The following SLC35G2 variants were observed in gnomAD, a reference collection of about 807,000 sequenced individuals.
The protein encoded by SLC35G2 is transmembrane protein 22.
In SLC35G2, 20 loss-of-function variants were observed where a neutral mutation model predicts 27.2. The observed-to-expected ratio is 0.74, with a 90% CI of 0.52 to 1.07. The LOEUF is 1.07. Ranked by LOEUF, SLC35G2 falls within the 50% of genes least tolerant of loss-of-function variation. The probability of loss-of-function intolerance (pLI) is 0.00; values close to 1 mark genes in which losing one functional copy is unlikely to be tolerated. For synonymous variants in SLC35G2, 148 were observed against 165.3 expected (o/e 0.90, Z 0.80); for missense variants, 416 against 493.3 (o/e 0.84, Z 1.48).
intron 1 of SLC35G2, among the ~76,000 whole-genome samples, chr3:136,850,503 A>G (rs1228039296): frequency 6.6e-6 from 1 of 152,182 alleles, no homozygotes; most frequent in African/African-American, 2.4e-5. Context: ...AATGAGCCAA[A>G]TAATATTTTA....
chr3:136,828,537 ATATTAG>A (rs1241399241), intron 1 of SLC35G2, among the ~76,000 whole-genome samples: 2 of 152,056 alleles, frequency 1.3e-5, no homozygotes, highest in African/African-American at 4.8e-5. Flanking sequence ...ATTTTGTCTG[ATATTAG>A]TATAACTACT....
At chr3:136,830,257 C>T (rs746341230) in intron 1 of SLC35G2, among the ~76,000 whole-genome samples, 5 of 151,492 alleles carry the variant, frequency 3.3e-5, no homozygotes, top group Non-Finnish European at 4.4e-5. Flanking sequence ...TACAGGCACA[C>T]ACCACCATGC....
intron 1 of SLC35G2, among the ~76,000 whole-genome samples, chr3:136,827,747 A>G (rs1037882318): frequency 4.0e-5 from 6 of 151,698 alleles, no homozygotes; most frequent in Admixed American, 3.3e-4. Flanking sequence ...CTTAATTTCC[A>G]TGTGTTTGTA....
intron 1 of SLC35G2, among the ~76,000 whole-genome samples, chr3:136,836,164 A>T (rs1049179577): frequency 6.6e-6 from 1 of 151,970 alleles, no homozygotes; most frequent in South Asian, 2.1e-4. Flanking sequence ...ATCTATTTAT[A>T]TATCTTTCTG....
At chr3:136,839,954 C>A (rs1459025049) in intron 1 of SLC35G2, among the ~76,000 whole-genome samples, 1 of 152,184 alleles carries the variant, frequency 6.6e-6, no homozygotes, top group South Asian at 2.1e-4. Context: ...CAGACTGACA[C>A]AGCCCAGCAA....
At position 136,854,770 on chromosome 3, in the gene SLC35G2, ATGTGGATAGTGCTGTT is replaced by A; in HGVS notation, c.313_328del (p.Trp105AspfsTer9). 6.2e-7 allele frequency: 1 copy of A among 1,614,138 alleles called. No homozygotes were observed. The highest frequency in any genetic ancestry group is 8.5e-7 in the Non-Finnish European group (1 of 1,180,008). On this transcript the variant is annotated frameshift_variant, in exon 2 of 2. Coordinates refer to ENST00000446465, the MANE Select transcript of SLC35G2 (RefSeq NM_025246.3). LOFTEE classifies it high-confidence loss of function. ...AAAAAACATTTTTCAATCCCGAAAA[ATGTGGATAGTGCTGTT>A]TGGATCTGCTTTGGCTCATGGATGT...
In SLC35G2 at chr3:136,842,888, C is replaced by T. The variant is rs546747352; in HGVS notation, c.-18-11555C>T. 114 of 152,332 alleles carry T rather than the reference C, an allele frequency of 7.5e-4. 1 individual carries two copies. In the South Asian group the frequency reaches 0.023, roughly 31 times the overall value. The allele number at this position is 152,332 out of a possible 1,614,324, so 9.4% of individuals were successfully genotyped here. A position where few individuals can be genotyped will look rare whatever the true frequency, so the allele number is the denominator to read the frequency against. ...GTGGACATGGCAGCTTAAATGAGCCCTCTTGGGCTGTGCACAACCCAGAAA... is the reference window on the plus strand; with the variant it reads ...GTGGACATGGCAGCTTAAATGAGCCTTCTTGGGCTGTGCACAACCCAGAAA... On this transcript the variant is annotated intron_variant, in intron 1 of 1. Coordinates refer to ENST00000446465, the MANE Select transcript of SLC35G2 (RefSeq NM_025246.3).
intron 1 of SLC35G2, chr3:136,843,391 C>T (rs1333500501): frequency 6.8e-6 from 1 of 147,618 alleles, no homozygotes; most frequent in African/African-American, 2.5e-5. Flanking sequence ...GGTGTGTAAT[C>T]CCAGCACTTA....
intron 1 of SLC35G2, among the ~76,000 whole-genome samples, chr3:136,824,537 A>G (rs1046922295): frequency 6.6e-6 from 1 of 152,192 alleles, no homozygotes; most frequent in African/African-American, 2.4e-5. Flanking sequence ...CTGTTGGCAT[A>G]TAGAAATGCT....
intron 1 of SLC35G2, among the ~76,000 whole-genome samples, chr3:136,849,090 A>G (rs1010487508): frequency 6.6e-6 from 1 of 151,994 alleles, no homozygotes; most frequent in Non-Finnish European, 1.5e-5. Context: ...GAGGCAGGAG[A>G]GTCGCTTGAA....
intron 1 of SLC35G2, among the ~76,000 whole-genome samples, chr3:136,851,640 C>T (rs1264934522): frequency 6.6e-6 from 1 of 151,410 alleles, no homozygotes; most frequent in Non-Finnish European, 1.5e-5. Context: ...GCAAGGTAGG[C>T]GTGTTGAAGA....
chr3:136,848,161 T>C (rs1253861432), intron 1 of SLC35G2, among the ~76,000 whole-genome samples: 1 of 152,186 alleles, frequency 6.6e-6, no homozygotes, highest in Non-Finnish European at 1.5e-5. Flanking sequence ...GGGCTCCCCT[T>C]ATTAAGTCAG....
intron 1 of SLC35G2, among the ~76,000 whole-genome samples, chr3:136,840,537 C>T (rs1351710142): frequency 2.0e-5 from 3 of 150,354 alleles, no homozygotes; most frequent in Non-Finnish European, 4.4e-5. Context: ...TCCCTCCCTC[C>T]CTCTCTCCCT....
At chr3:136,838,866 A>G (rs1936977741) in intron 1 of SLC35G2, 1 of 152,220 alleles carries the variant, frequency 6.6e-6, no homozygotes, top group Admixed American at 6.5e-5. Context: ...AGTTAGGTAA[A>G]TTACAAACAA....
rs1343983709 is a variant in SLC35G2 at position 136,854,980 on chromosome 3, T to C, written c.520T>C (p.Cys174Arg). The C allele has an allele frequency of 6.2e-7, 1 of 1,614,224 alleles. No individual in the cohort carries two copies. The highest frequency in any genetic ancestry group is 1.7e-5 in the Admixed American group (1 of 60,022). The part of the protein sequence containing the change: ...YRLRLFFYGV[C>R]NVISITCAYT... Reference sequence around the variant, plus strand: ...ATTACGACTCTTCTTTTATGGTGTATGCAATGTCATTTCTATCACTTGTGC... The same window carrying C: ...ATTACGACTCTTCTTTTATGGTGTACGCAATGTCATTTCTATCACTTGTGC... The change falls in exon 2 of 2, where the codon TGC becomes CGC. Residue 174 changes from cysteine (C) to arginine (R), a missense_variant. Physicochemically the swap from Cys to Arg is radical, Grantham distance 180. Transcript: ENST00000446465.
intron 1 of SLC35G2, chr3:136,837,679 A>G (rs1418436624): frequency 1.3e-5 from 2 of 151,992 alleles, no homozygotes; most frequent in South Asian, 2.1e-4. Flanking sequence ...TTTATTTCCA[A>G]TTTTTCATTG....
At chr3:136,853,487 T>C (rs1221914048) in intron 1 of SLC35G2, among the ~76,000 whole-genome samples, 5 of 152,184 alleles carry the variant, frequency 3.3e-5, no homozygotes, top group Non-Finnish European at 7.3e-5. Flanking sequence ...GTATGTACAT[T>C]TTCCCCACAT....
In SLC35G2 at chr3:136,854,608, G is replaced by A. The variant is rs144429161; in HGVS notation, c.148G>A (p.Glu50Lys). 265 of 1,612,574 alleles carry A rather than the reference G, an allele frequency of 1.6e-4. No homozygotes were observed. Among genetic ancestry groups the A allele is most frequent in the Non-Finnish European group, 2.1e-4 (249 of 1,179,728 alleles). The change falls in exon 2 of 2, where the codon GAG (glutamate) becomes AAG (lysine). Residue 50 changes from glutamate (E) to lysine (K), a missense_variant. By Grantham distance (56) the Glu-to-Lys change is moderately conservative (BLOSUM62 1). Transcript: ENST00000446465. ...CAATGAAGGCTATGGAAATTTTATGGAGGAAAATCCAAAGAAAGGTCTGCT... is the reference window on the plus strand; with the variant it reads ...CAATGAAGGCTATGGAAATTTTATGAAGGAAAATCCAAAGAAAGGTCTGCT... ...EINEGYGNFM[E>K]ENPKKGLLSE...
At chr3:136,834,122 A>T (rs938863379) in intron 1 of SLC35G2, among the ~76,000 whole-genome samples, 2 of 152,130 alleles carry the variant, frequency 1.3e-5, no homozygotes, top group Non-Finnish European at 2.9e-5. Context: ...TTGATCTTGG[A>T]TTATTTAAAA....
Sources: gnomAD v4.1 joint callset for allele counts (sites outside exome capture counted in the v4.1 genomes callset) on GRCh38, gnomAD v4.1.1 for gene constraint, MANE v1.5 for transcripts, NCBI Gene and HGNC (gene_info 2026-07-23, HGNC 2026-07-21) for gene names.